Variants in RSPO4 observed in about 807,000 individuals in gnomAD.
RSPO4 encodes R-spondin-4.
A neutral mutation model predicts 24.8 loss-of-function variants in RSPO4; 23 were observed. That is an observed-to-expected ratio of 0.93 (90% CI 0.67 to 1.31). The LOEUF is 1.31. Among genes scored for constraint, RSPO4 ranks in the 40% most tolerant of loss-of-function variants. The pLI, the probability that RSPO4 is intolerant of heterozygous loss-of-function variation, is 0.00. For synonymous variants in RSPO4, 141 were observed against 127.4 expected, an observed-to-expected ratio of 1.11 and a Z score of -0.72; for missense variants, 333 against 316.5, an observed-to-expected ratio of 1.05 and a Z score of -0.39.
chr20:986,550 G>C (rs1009695992), intron 1 of RSPO4, among the ~76,000 whole-genome samples: 1 of 151,056 alleles, frequency 6.6e-6, no homozygotes, highest in Non-Finnish European at 1.5e-5. Flanking sequence ...TAAAAATTCA[G>C]CACTGGACTA....
At position 968,096 on chromosome 20, in the gene RSPO4, C is replaced by A; in HGVS notation, c.122G>T (p.Cys41Phe). 3.1e-6 allele frequency: 5 copies of A among 1,614,204 alleles called. No homozygotes were observed. Among genetic ancestry groups the A allele is most frequent in the South Asian group, 2.2e-5 (2 of 91,088 alleles). ...LGGNCTGCII[C>F]SEENGCSTCQ... ...GGTGGAACAGCCGTTCTCCTCTGAG[C>A]AGATGATACAGCCTGTGCAGTTGCC... The change falls in exon 2 of 5, where the codon TGC becomes TTC. Residue 41 changes from cysteine (C) to phenylalanine (F), a missense_variant. Cys to Phe is a radical substitution (Grantham distance 205, BLOSUM62 -2). Transcript: ENST00000217260.
At chr20:963,531 C>T (rs1984073387) in intron 4 of RSPO4, among the ~76,000 whole-genome samples, 1 of 152,118 alleles carries the variant, frequency 6.6e-6, no homozygotes, top group South Asian at 2.1e-4. Flanking sequence ...CAAGCGCTTC[C>T]ATCAAGAAAT....
intron 1 of RSPO4, among the ~76,000 whole-genome samples, chr20:995,891 G>A (rs1371177041): frequency 6.6e-6 from 1 of 152,154 alleles, no homozygotes; most frequent in Non-Finnish European, 1.5e-5. Context: ...GCACATGCAT[G>A]CACACACTCA....
At chr20:960,777 G>A (rs752074468) in intron 4 of RSPO4, among the ~76,000 whole-genome samples, 21 of 152,332 alleles carry the variant, frequency 1.4e-4, no homozygotes, top group South Asian at 4.1e-4. Flanking sequence ...TCAGCATGTC[G>A]GGTGGCCTCA....
intron 4 of RSPO4, among the ~76,000 whole-genome samples, chr20:963,466 G>A (rs868217298): frequency 2.8e-4 from 43 of 152,104 alleles, no homozygotes; most frequent in African/African-American, 9.2e-4. Flanking sequence ...CGCTGACCAC[G>A]GCCGCGGTCC....
In RSPO4 at chr20:960,413, T is replaced by A; in HGVS notation, c.649A>T (p.Arg217Trp). ...GRKDRRPRKDRKLDRRLDVRP... is the reference protein window; with the variant it reads ...GRKDRRPRKDWKLDRRLDVRP... ...ACGTCCAGCCTGCGGTCCAGCTTCC[T>A]GTCCTTGCGTGGGCGCCGGTCCTTC... The change falls in exon 5 of 5, where the codon AGG becomes TGG. Residue 217 changes from arginine to tryptophan, a missense_variant. By Grantham distance (101) the Arg-to-Trp change is moderately radical. Coordinates refer to ENST00000217260, the MANE Select transcript of RSPO4 (RefSeq NM_001029871.4). 1 of 1,539,802 alleles carries A rather than the reference T, an allele frequency of 6.5e-7. No homozygotes were observed. The highest frequency in any genetic ancestry group is 2.0e-5 in the Admixed American group (1 of 51,276).
chr20:995,369 TC>T (rs1600101972), intron 1 of RSPO4, among the ~76,000 whole-genome samples: 1 of 152,232 alleles, frequency 6.6e-6, no homozygotes, highest in East Asian at 1.9e-4. Context: ...ATAAGCCAGT[TC>T]CCCTCTCTGA....
chr20:965,184 G>A (rs1436078475), intron 3 of RSPO4, among the ~76,000 whole-genome samples: 2 of 152,198 alleles, frequency 1.3e-5, no homozygotes, highest in Middle Eastern at 3.4e-3. Context: ...TGCAGGCACC[G>A]TGGGAGCCCA....
intron 1 of RSPO4, among the ~76,000 whole-genome samples, chr20:1,001,091 G>C (rs1008276078): frequency 6.6e-6 from 1 of 152,200 alleles, no homozygotes; most frequent in Non-Finnish European, 1.5e-5. Context: ...ATTTAAACCA[G>C]TCTGAGCCTT....
chr20:980,418 C>T (rs558136677), intron 1 of RSPO4, among the ~76,000 whole-genome samples: 1 of 152,214 alleles, frequency 6.6e-6, no homozygotes, highest in African/African-American at 2.4e-5. Flanking sequence ...GCAGGCTGCC[C>T]CAGGACTGAA....
intron 3 of RSPO4, among the ~76,000 whole-genome samples, chr20:964,693 T>C (rs893561533): frequency 1.0e-4 from 15 of 148,158 alleles, no homozygotes; most frequent in African/African-American, 3.6e-4. Flanking sequence ...TATATATATA[T>C]ATACACACAC....
intron 1 of RSPO4, among the ~76,000 whole-genome samples, chr20:979,169 C>T (rs1984658625): frequency 6.6e-6 from 1 of 152,130 alleles, no homozygotes; most frequent in African/African-American, 2.4e-5. Flanking sequence ...CCTGTCCCTA[C>T]CCCGTTCCCT....
chr20:973,444 T>G (rs1321699959), intron 1 of RSPO4, among the ~76,000 whole-genome samples: 6 of 135,076 alleles, frequency 4.4e-5, no homozygotes, highest in Non-Finnish European at 9.3e-5. Flanking sequence ...GCACTATTTG[T>G]TTTTTGTTTG....
chr20:990,646 G>T (rs1420008108), intron 1 of RSPO4, among the ~76,000 whole-genome samples: 3 of 151,972 alleles, frequency 2.0e-5, no homozygotes, highest in East Asian at 3.9e-4. Context: ...AACTGAACTG[G>T]TTCAGCCAAA....
chr20:983,423 C>T (rs541010780), intron 1 of RSPO4, among the ~76,000 whole-genome samples: 59 of 152,294 alleles, frequency 3.9e-4, no homozygotes, highest in African/African-American at 1.4e-3. Flanking sequence ...ATGAGTTGAG[C>T]TGCTTTGGCT....
rs992930167 is a variant in RSPO4 at position 1,002,126 on chromosome 20, G to A, written c.39C>T (p.His13=). The A allele has an allele frequency of 3.8e-6, 6 of 1,565,792 alleles. No individual in the cohort carries two copies. The highest frequency in any genetic ancestry group is 2.7e-5 in the African/African-American group (2 of 73,818). ...GGTTCAGGGCGAGCATGTCCACGGC[G>A]TGGGCGACGAGCAGGAGCAGGCAGA... ...APLCLLLLVA[H]AVDMLALNRR... The change falls in exon 1 of 5, where the codon CAC becomes CAT. Residue 13 remains histidine (H), a synonymous_variant. Coordinates refer to ENST00000217260, the MANE Select transcript of RSPO4 (RefSeq NM_001029871.4). This position sits in a 1 kb window ranked among gnomAD's most constrained non-coding sequence, Gnocchi z 4.6.
Position 982,963 on chromosome 20 carries a change from T to C in RSPO4, c.80-14825A>G, listed in dbSNP as rs903398283. ...ATCAGGATGCTCAGTGTCACAGGGA[T>C]TGGGGGCAACGCCCACCGCTACAAA... is the stretch of plus-strand genomic sequence containing the variant. On this transcript the variant is annotated intron_variant, in intron 1 of 4. Coordinates refer to ENST00000217260, the MANE Select transcript of RSPO4 (RefSeq NM_001029871.4). Among the ~76,000 whole-genome samples, 7 of 152,180 alleles carry C rather than the reference T, an allele frequency of 4.6e-5. No homozygotes were observed. In the East Asian group the frequency reaches 1.2e-3, roughly 25 times the overall value.
intron 1 of RSPO4, among the ~76,000 whole-genome samples, chr20:991,983 G>A (rs751825415): frequency 2.3e-4 from 35 of 152,110 alleles, no homozygotes; most frequent in Non-Finnish European, 4.9e-4. Context: ...TCAAATGCCT[G>A]CAGGGAGGCG....
At chr20:961,116 T>G (rs1034950299) in intron 4 of RSPO4, among the ~76,000 whole-genome samples, 1 of 152,216 alleles carries the variant, frequency 6.6e-6, no homozygotes, top group Non-Finnish European at 1.5e-5. Flanking sequence ...TTATTTCCTT[T>G]ATTCCTTCCA....
Sources: gnomAD v4.1 joint callset for allele counts (sites outside exome capture counted in the v4.1 genomes callset) on GRCh38, gnomAD v4.1.1 for gene constraint, Gnocchi (gnomAD v3.1) non-coding constraint, MANE v1.5 for transcripts, NCBI Gene and HGNC (gene_info 2026-07-23, HGNC 2026-07-21) for gene names.